Variants in RBM47 observed in about 807,000 individuals in gnomAD.
The protein encoded by RBM47 is RNA-binding protein 47.
RBM47 carries 21 observed loss-of-function variants against 47.1 expected under a neutral mutation model. That is an observed-to-expected ratio of 0.45 (90% CI 0.32 to 0.64). The LOEUF (loss-of-function observed/expected upper bound fraction) is 0.64. RBM47 is among the 30% of genes least tolerant of loss of function. The pLI is 0.05. For missense variants in RBM47, 708 were observed against 870.9 expected (o/e 0.81, Z 2.35); for synonymous variants, 375 against 361.7 (o/e 1.04, Z -0.42).
intron 1 of RBM47, among the ~76,000 whole-genome samples, chr4:40,551,734 C>T (rs1282900069): frequency 3.3e-5 from 5 of 150,400 alleles, no homozygotes; most frequent in African/African-American, 9.8e-5. Flanking sequence ...CTGCAGCTTC[C>T]GCCTCCCGGG....
chr4:40,521,916 C>A (rs1180755599), intron 2 of RBM47, among the ~76,000 whole-genome samples: 2 of 152,300 alleles, frequency 1.3e-5, no homozygotes, highest in Admixed American at 6.5e-5. Context: ...GGGCAACCTG[C>A]ATTTATCACC....
intron 1 of RBM47, among the ~76,000 whole-genome samples, chr4:40,594,813 T>C (rs1257509844): frequency 6.6e-6 from 1 of 152,220 alleles, no homozygotes; most frequent in Non-Finnish European, 1.5e-5. Flanking sequence ...TTGTAAGTAC[T>C]ATCACTCTCT....
chr4:40,538,058 T>C lies in RBM47; in HGVS notation c.-155+6364A>G, dbSNP rs112558326. 1.3e-3 allele frequency among the ~76,000 whole-genome samples: 203 copies of C among 152,232 alleles called. 1 individual carries two copies. The highest frequency in any genetic ancestry group is 4.7e-3 in the African/African-American group (194 of 41,558). ...TCAGTCTGCATCATAGTGGTAATTATACATTTATGTTTATAAACAGCAAAG... is the reference window on the plus strand; with the variant it reads ...TCAGTCTGCATCATAGTGGTAATTACACATTTATGTTTATAAACAGCAAAG... On this transcript the variant is annotated intron_variant, in intron 2 of 6. Transcript: ENST00000295971.
chr4:40,531,472 G>A (rs1016370211), intron 2 of RBM47, among the ~76,000 whole-genome samples: 17 of 151,960 alleles, frequency 1.1e-4, no homozygotes, highest in African/African-American at 3.9e-4. Flanking sequence ...AAGGGGATAG[G>A]CGGAAGGGTG....
rs1487414406 is a variant in RBM47, at chr4:40,437,754, G to A, written c.1123+17C>T. The A allele has an allele frequency of 1.3e-6, 2 of 1,584,324 alleles. No individual in the cohort carries two copies. Among genetic ancestry groups the A allele is most frequent in the Non-Finnish European group, 1.7e-6 (2 of 1,158,910 alleles). The stretch of plus-strand genomic sequence containing the variant: ...ACGTTCTTGGGGGCCCCACCCAGGA[G>A]AAGAGCCCCCACTAACCTTTCACAA... On this transcript the variant is annotated intron_variant, in intron 4 of 6. Coordinates refer to ENST00000295971, the MANE Select transcript of RBM47 (RefSeq NM_001098634.2).
intron 3 of RBM47, among the ~76,000 whole-genome samples, chr4:40,458,990 A>G (rs866869815): frequency 1.3e-4 from 20 of 152,266 alleles, no homozygotes; most frequent in Middle Eastern, 3.4e-3. Flanking sequence ...TATCAATTTC[A>G]TTTGTTTCTA....
At chr4:40,430,622 TCAAGA>T (rs1352246677) in intron 6 of RBM47, among the ~76,000 whole-genome samples, 3 of 152,170 alleles carry the variant, frequency 2.0e-5, no homozygotes, top group Non-Finnish European at 2.9e-5. Flanking sequence ...AATAATGCAG[TCAAGA>T]CTAGTGTTCA....
At position 40,423,305 on chromosome 4, in the gene RBM47, T is replaced by C. The variant is rs1714611639; in HGVS notation, c.*2599A>G. 6.6e-6 allele frequency: 1 copy of C among 152,228 alleles called. No homozygotes were observed. The highest frequency in any genetic ancestry group is 1.5e-5 in the Non-Finnish European group (1 of 68,034). The allele number at this position is 152,228 out of a possible 1,614,324, so 9.4% of individuals were successfully genotyped here. A position where few individuals can be genotyped will look rare whatever the true frequency, so the allele number is the denominator to read the frequency against. Reference sequence around the variant, plus strand: ...TTGCTTTAAAGAAAGCTTTATTTACTACATACATCCTAAGAATGTACTGTA... The same window carrying C: ...TTGCTTTAAAGAAAGCTTTATTTACCACATACATCCTAAGAATGTACTGTA... On this transcript the variant is annotated 3_prime_UTR_variant, in exon 7 of 7. Transcript: ENST00000295971.
chr4:40,604,806 T>C (rs929670538), intron 1 of RBM47, among the ~76,000 whole-genome samples: 1 of 152,096 alleles, frequency 6.6e-6, no homozygotes, highest in Non-Finnish European at 1.5e-5. Flanking sequence ...AACCTCTGCC[T>C]CCGGGGTTCA....
intron 2 of RBM47, among the ~76,000 whole-genome samples, chr4:40,481,799 G>A (rs769905513): frequency 6.6e-5 from 10 of 152,166 alleles, no homozygotes; most frequent in Non-Finnish European, 1.3e-4. Context: ...CGATCCGCCC[G>A]CCTTGGTCTT....
chr4:40,454,760 A>G lies in RBM47; in HGVS notation c.-32+11817T>C, dbSNP rs953356780. Reference sequence around the variant, plus strand: ...TGATCCGCCCACCTCAGCCTCCCAAAGTGCTGAAATTATGTGGTGGCTCAC... The same window carrying G: ...TGATCCGCCCACCTCAGCCTCCCAAGGTGCTGAAATTATGTGGTGGCTCAC... On this transcript the variant is annotated intron_variant, in intron 3 of 6. Transcript: ENST00000295971. Among the ~76,000 whole-genome samples, 7 of 152,288 alleles carry G rather than the reference A, an allele frequency of 4.6e-5. No homozygotes were observed. The South Asian group carries it at 1.5e-3, about 32-fold the overall frequency.
intron 3 of RBM47, among the ~76,000 whole-genome samples, chr4:40,453,737 G>A (rs916376529): frequency 3.9e-5 from 6 of 152,128 alleles, no homozygotes; most frequent in Non-Finnish European, 7.3e-5. Context: ...GCTAAGAACA[G>A]AGCAGCGCTA....
intron 1 of RBM47, among the ~76,000 whole-genome samples, chr4:40,560,219 A>G (rs148929345): frequency 1.0e-3 from 154 of 152,268 alleles, no homozygotes; most frequent in African/African-American, 3.4e-3. Flanking sequence ...TCACCTGCAA[A>G]ATCTAACTCC....
intron 1 of RBM47, among the ~76,000 whole-genome samples, chr4:40,560,367 A>G (rs1197444292): frequency 1.3e-5 from 2 of 152,234 alleles, no homozygotes; most frequent in Non-Finnish European, 2.9e-5. Context: ...AGGAATGAGC[A>G]TGTGCATGGC....
At chr4:40,535,371 C>CTTTTTTTTTTTTTTTTTCT (rs1553897873) in intron 2 of RBM47, among the ~76,000 whole-genome samples, 1 of 103,434 alleles carries the variant, frequency 9.7e-6, no homozygotes, top group Non-Finnish European at 1.9e-5. Context: ...TATGGTATTT[C>CTTTTTTTTTTTTTTTTTCT]TTTTTTTTTT....
intron 2 of RBM47, among the ~76,000 whole-genome samples, chr4:40,537,832 T>C (rs1312577094): frequency 6.6e-6 from 1 of 151,904 alleles, no homozygotes; most frequent in Non-Finnish European, 1.5e-5. Context: ...AGTCTTTTTT[T>C]TCCTTCTTTT....
intron 2 of RBM47, among the ~76,000 whole-genome samples, chr4:40,491,023 A>G (rs1003747703): frequency 6.6e-6 from 1 of 152,182 alleles, no homozygotes; most frequent in Non-Finnish European, 1.5e-5. Context: ...AAAATTTACT[A>G]CAAAGCTACA....
intron 1 of RBM47, among the ~76,000 whole-genome samples, chr4:40,591,602 G>A (rs752793305): frequency 6.6e-6 from 1 of 152,172 alleles, no homozygotes; most frequent in African/African-American, 2.4e-5. Context: ...GCTGGGGCAG[G>A]AGAATTGCTT....
At chr4:40,573,797 G>GAAGGAAAGA (rs1553903526) in intron 1 of RBM47, among the ~76,000 whole-genome samples, 6 of 104,466 alleles carry the variant, frequency 5.7e-5, no homozygotes, top group Non-Finnish European at 3.7e-5. Context: ...GAGAGAGAGA[G>GAAGGAAAGA]AAAGAAAGAA....
Sources: gnomAD v4.1 joint callset for allele counts (sites outside exome capture counted in the v4.1 genomes callset) on GRCh38, gnomAD v4.1.1 for gene constraint, MANE v1.5 for transcripts, NCBI Gene and HGNC (gene_info 2026-07-23, HGNC 2026-07-21) for gene names.